Variants in SEC14L1 observed in about 807,000 individuals in gnomAD.
SEC14L1 encodes SEC14 like lipid binding 1.
A neutral mutation model predicts 85.3 loss-of-function variants in SEC14L1; 48 were observed. That is an observed-to-expected ratio of 0.56 (90% CI 0.45 to 0.72). SEC14L1 has a LOEUF of 0.72. Ranked by LOEUF, SEC14L1 falls within the 30% of genes least tolerant of loss-of-function variation. The probability of loss-of-function intolerance (pLI) is 0.00; values close to 1 mark genes in which losing one functional copy is unlikely to be tolerated. For missense variants in SEC14L1, 682 were observed against 921.4 expected (o/e 0.74, Z 3.36); for synonymous variants, 391 against 355.5 (o/e 1.10, Z -1.12).
intron 3 of SEC14L1, among the ~76,000 whole-genome samples, chr17:77,167,425 G>A (rs952132283): frequency 1.3e-5 from 2 of 152,194 alleles, no homozygotes; most frequent in African/African-American, 4.8e-5. Flanking sequence ...ATGAGCCACT[G>A]CGCCTGGCCA....
intron 3 of SEC14L1, among the ~76,000 whole-genome samples, chr17:77,176,485 C>T (rs1430453150): frequency 6.6e-6 from 1 of 152,246 alleles, no homozygotes; most frequent in African/African-American, 2.4e-5. Flanking sequence ...CATTTGTCTG[C>T]CTCCTGCCTC....
intron 3 of SEC14L1, chr17:77,185,423 G>T: frequency 2.0e-6 from 2 of 981,712 alleles, no homozygotes; most frequent in Non-Finnish European, 2.4e-6. Context: ...CTACGTGGAT[G>T]GAGAATTTTA....
chr17:77,134,544 C>A (rs374350453), intron 3 of SEC14L1, among the ~76,000 whole-genome samples: 1 of 151,984 alleles, frequency 6.6e-6, no homozygotes, highest in Non-Finnish European at 1.5e-5. Context: ...TGGTGAAACC[C>A]CATCTCTACT....
intron 3 of SEC14L1, among the ~76,000 whole-genome samples, chr17:77,179,967 G>C (rs565276043): frequency 6.6e-6 from 1 of 151,902 alleles, no homozygotes; most frequent in South Asian, 2.1e-4. Context: ...ATGAGCCGCC[G>C]CGCCTGGCCT....
intron 13 of SEC14L1, among the ~76,000 whole-genome samples, chr17:77,208,086 C>T (rs897218522): frequency 9.2e-5 from 14 of 152,164 alleles, no homozygotes; most frequent in Non-Finnish European, 1.8e-4. Flanking sequence ...GGAATGTGTA[C>T]CCACTGGGTT....
At chr17:77,114,290 C>T (rs1011969106) in intron 3 of SEC14L1, among the ~76,000 whole-genome samples, 19 of 152,094 alleles carry the variant, frequency 1.2e-4, no homozygotes, top group Middle Eastern at 3.4e-3. Context: ...TTTGGGAGGC[C>T]AAGGTGGGCA....
intron 3 of SEC14L1, among the ~76,000 whole-genome samples, chr17:77,124,997 ATTT>A (rs201348431): frequency 0.14 from 9,714 of 67,692 alleles, 589 homozygotes; most frequent in East Asian, 0.45. Context: ...TATTATTATT[ATTT>A]TTATTATTAT....
Position 77,123,414 on chromosome 17 carries a change from C to CTTTTTTTTTTTTTTT in SEC14L1, c.-135-19231_-135-19217dup, listed in dbSNP as rs71280842. Among the ~76,000 whole-genome samples the CTTTTTTTTTTTTTTT allele has an allele frequency of 1.1e-4, 9 of 80,482 alleles. 1 individual carries two copies. Among genetic ancestry groups the CTTTTTTTTTTTTTTT allele is most frequent in the African/African-American group, 4.2e-4 (7 of 16,502 alleles). 52.8% of individuals were successfully genotyped at this position (80,482 alleles called of 152,430 possible). A position where few individuals can be genotyped will look rare whatever the true frequency, so the allele number is the denominator to read the frequency against. ...CCCTGAAGTGGGTCCCAGGCCCACTCTTTTTTTTTTTTTTTGAGACAGAGC... is the reference window on the plus strand; with the variant it reads ...CCCTGAAGTGGGTCCCAGGCCCACTCTTTTTTTTTTTTTTTTTTTTTTTTTTTTTTGAGACAGAGC... On this transcript the variant is annotated intron_variant, in intron 3 of 19. Transcript: ENST00000392476.
chr17:77,134,089 T>C (rs963186709), intron 3 of SEC14L1, among the ~76,000 whole-genome samples: 1 of 152,134 alleles, frequency 6.6e-6, no homozygotes, highest in African/African-American at 2.4e-5. Flanking sequence ...CTTTCTCTGC[T>C]GCAGCGCTGC....
chr17:77,096,554 C>CAA (rs59377154), intron 3 of SEC14L1, among the ~76,000 whole-genome samples: 16 of 144,942 alleles, frequency 1.1e-4, no homozygotes, highest in African/African-American at 3.2e-4. Context: ...GACTCCATCT[C>CAA]AAAAAAAAAA....
At chr17:77,192,931 G>A (rs1375968571) in intron 5 of SEC14L1, among the ~76,000 whole-genome samples, 1 of 152,170 alleles carries the variant, frequency 6.6e-6, no homozygotes, top group Admixed American at 6.5e-5. Context: ...CAAAGTGTCG[G>A]GATTGCAGGT....
intron 3 of SEC14L1, among the ~76,000 whole-genome samples, chr17:77,098,650 G>A (rs1389272846): frequency 2.0e-5 from 3 of 152,188 alleles, no homozygotes; most frequent in East Asian, 1.9e-4. Context: ...CATAAAGATC[G>A]CGTGCCCTTC....
At chr17:77,104,552 G>C (rs1183608760) in intron 3 of SEC14L1, among the ~76,000 whole-genome samples, 2 of 149,844 alleles carry the variant, frequency 1.3e-5, no homozygotes, top group Non-Finnish European at 3.0e-5. Flanking sequence ...AGCACTTTGG[G>C]AGGCCGAGGA....
chr17:77,163,592 C>T (rs1974160342), intron 3 of SEC14L1, among the ~76,000 whole-genome samples: 1 of 152,192 alleles, frequency 6.6e-6, no homozygotes, highest in African/African-American at 2.4e-5. Flanking sequence ...GAGAGTCCCT[C>T]AGACTTTTCT....
intron 3 of SEC14L1, among the ~76,000 whole-genome samples, chr17:77,105,275 T>C (rs998751785): frequency 2.0e-5 from 3 of 151,962 alleles, no homozygotes; most frequent in African/African-American, 7.3e-5. Context: ...CCATGGTGAC[T>C]GTCTTGTTTA....
At chr17:77,170,150 G>T (rs1179507132) in intron 3 of SEC14L1, among the ~76,000 whole-genome samples, 1 of 152,178 alleles carries the variant, frequency 6.6e-6, no homozygotes, top group Non-Finnish European at 1.5e-5. Context: ...TTTGAGGGGA[G>T]CTAGATCTGG....
chr17:77,185,166 A>G, intron 3 of SEC14L1: 1 of 965,292 alleles, frequency 1.0e-6, no homozygotes, highest in Admixed American at 6.2e-5. Context: ...TAGGCATTGA[A>G]GTCCTCGTTC....
At chr17:77,184,931 C>T (rs1975200456) in intron 3 of SEC14L1, among the ~76,000 whole-genome samples, 1 of 152,202 alleles carries the variant, frequency 6.6e-6, no homozygotes, top group African/African-American at 2.4e-5. Context: ...TAAGCCATCC[C>T]AGAGATGAAA....
chr17:77,155,245 G>C (rs1973754973), intron 3 of SEC14L1, among the ~76,000 whole-genome samples: 1 of 152,094 alleles, frequency 6.6e-6, no homozygotes, highest in East Asian at 1.9e-4. Flanking sequence ...GTCCCAGGCA[G>C]ATTTAATGCC....
Sources: gnomAD v4.1 joint callset for allele counts (sites outside exome capture counted in the v4.1 genomes callset) on GRCh38, gnomAD v4.1.1 for gene constraint, MANE v1.5 for transcripts, NCBI Gene and HGNC (gene_info 2026-07-23, HGNC 2026-07-21) for gene names.